THG1L: variants seen among roughly 807,000 people sequenced by gnomAD.
THG1L encodes the protein probable tRNA(His) guanylyltransferase.
In THG1L, 27 loss-of-function variants were observed where a neutral mutation model predicts 35.2. That is an observed-to-expected ratio of 0.77 (90% CI 0.57 to 1.06). The LOEUF (loss-of-function observed/expected upper bound fraction) is 1.06. THG1L is among the 50% of genes least tolerant of loss of function. The pLI is 0.00. For synonymous variants in THG1L, 135 were observed against 132.4 expected (o/e 1.02, Z -0.14); for missense variants, 377 against 371.8 (o/e 1.01, Z -0.12).
rs1469680647 is a variant in THG1L, at chr5:157,731,571, A to G, written c.131A>G (p.Asp44Gly). 1 of 1,611,790 alleles carries G rather than the reference A, an allele frequency of 6.2e-7. No homozygotes were observed. Among genetic ancestry groups the G allele is most frequent in the Non-Finnish European group, 8.5e-7 (1 of 1,178,920 alleles). The change falls in exon 1 of 6, where the codon GAC becomes GGC. Residue 44 changes from aspartate (D) to glycine (G), a missense_variant. Transcript: ENST00000231198. ...GAGTACGTGAGGGACTTCGAGGCTG[A>G]CGACACCTGCCTGGCACACTGCTGG... ...KFEYVRDFEADDTCLAHCWVV... is the reference protein window; with the variant it reads ...KFEYVRDFEAGDTCLAHCWVV...
chr5:157,735,665 T>A (rs139531252), intron 3 of THG1L, among the ~76,000 whole-genome samples, 181 bp from the exon 4 acceptor site: 1 of 152,298 alleles, frequency 6.6e-6, no homozygotes, highest in East Asian at 1.9e-4. Flanking sequence ...GGGATGAAGT[T>A]TTTTCCCTAC....
At chr5:157,737,442 C>G (rs1760915554) in intron 4 of THG1L, among the ~76,000 whole-genome samples, 1 of 151,778 alleles carries the variant, frequency 6.6e-6, no homozygotes, top group South Asian at 2.1e-4. Flanking sequence ...GAGATTGCAC[C>G]ACTGCACTCC....
rs1320182205 is a variant in THG1L at position 157,740,107 on chromosome 5, G to A, written c.*625G>A. On this transcript the variant is annotated 3_prime_UTR_variant, in exon 6 of 6. Coordinates refer to ENST00000231198, the MANE Select transcript of THG1L (RefSeq NM_017872.5). ...TACACATTCTGTGGATTGATTTAAT[G>A]GAGTTGTCAGCATGATCATCATCTT... 6.6e-6 allele frequency: 1 copy of A among 152,204 alleles called. No individual in the cohort carries two copies. Among genetic ancestry groups the A allele is most frequent in the Non-Finnish European group, 1.5e-5 (1 of 68,048 alleles). The allele number at this position is 152,204 out of a possible 1,614,324, so 9.4% of individuals were successfully genotyped here.
intron 5 of THG1L, chr5:157,738,589 GT>G (rs752004508): frequency 4.0e-3 from 1,481 of 371,154 alleles, no homozygotes; most frequent in Admixed American, 5.6e-3. Context: ...AAGTTTTTTT[GT>G]TTTTTTTTTT....
intron 2 of THG1L, 72 bp downstream of exon 2, chr5:157,733,116 G>A (rs1474600876): frequency 7.1e-6 from 11 of 1,555,840 alleles, no homozygotes; most frequent in Non-Finnish European, 9.7e-6. Context: ...TATCTTAATC[G>A]CAGACTTACA....
rs1475759642 is a variant in THG1L, at chr5:157,735,710, C to T, written c.539-136C>T. 4.3e-5 allele frequency: 26 copies of T among 602,006 alleles called. No homozygotes were observed. In the Admixed American group the frequency reaches 4.7e-4, roughly 11 times the overall value. The allele number at this position is 602,006 out of a possible 1,614,324, so 37.3% of individuals were successfully genotyped here. A position where few individuals can be genotyped will look rare whatever the true frequency, so the allele number is the denominator to read the frequency against. ...CCTCCATGTTCCGTGTGTAGGACTT[C>T]GGTCAAGTCACTGAATGTCTCTGAG... On this transcript the variant is annotated intron_variant, in intron 3 of 5. Transcript: ENST00000231198.
intron 2 of THG1L, among the ~76,000 whole-genome samples, chr5:157,733,844 T>C (rs2113033946): frequency 6.6e-6 from 1 of 152,224 alleles, no homozygotes; most frequent in African/African-American, 2.4e-5. Flanking sequence ...CAGTGGCATG[T>C]GCCTATAGTC....
chr5:157,732,927 CCA>C lies in THG1L; in HGVS notation c.252_253del (p.Lys85MetfsTer20). ...GACAGCCGTGCTCTCCAGCTGATGA[CCA>C]AATGTGCGCAGACTGTGATGGAAGA... On this transcript the variant is annotated frameshift_variant, in exon 2 of 6. Coordinates refer to ENST00000231198, the MANE Select transcript of THG1L (RefSeq NM_017872.5). LOFTEE classifies it high-confidence loss of function. 7 of 1,614,178 alleles carry C rather than the reference CCA, an allele frequency of 4.3e-6. No homozygotes were observed. The highest frequency in any genetic ancestry group is 5.9e-6 in the Non-Finnish European group (7 of 1,180,036).
Position 157,734,744 on chromosome 5 carries a change from TTG to T in THG1L, c.538+2_538+3del, listed in dbSNP as rs1162846554. 6.2e-7 allele frequency: 1 copy of T among 1,614,008 alleles called. No individual in the cohort carries two copies. The highest frequency in any genetic ancestry group is 8.5e-7 in the Non-Finnish European group (1 of 1,180,030). Reference sequence around the variant, plus strand: ...ACTACCTCAGCTGGCGACAAGCAGATTGTGAGTGGCACCAAATAAACACATGT... The same window carrying T: ...ACTACCTCAGCTGGCGACAAGCAGATTGAGTGGCACCAAATAAACACATGT... On this transcript the variant is annotated splice_donor_variant and coding_sequence_variant, in exon 3 of 6. Transcript: ENST00000231198. LOFTEE classifies it high-confidence loss of function.
Position 157,740,464 on chromosome 5 carries a change from A to AGCACAGAGCAGCAGGGAG in THG1L, c.*982_*983insGCACAGAGCAGCAGGGAG. 6.6e-6 allele frequency: 1 copy of AGCACAGAGCAGCAGGGAG among 152,234 alleles called. No homozygotes were observed. The highest frequency in any genetic ancestry group is 1.5e-5 in the Non-Finnish European group (1 of 68,056). 9.4% of individuals were successfully genotyped at this position (152,234 alleles called of 1,614,324 possible). Reference sequence around the variant, plus strand: ...TTGGGTCAGTGGAGATGGGTGAGGAACAGCACAGAGCAGCAGGGATCATCA... The same window carrying AGCACAGAGCAGCAGGGAG: ...TTGGGTCAGTGGAGATGGGTGAGGAAGCACAGAGCAGCAGGGAGCAGCACAGAGCAGCAGGGATCATCA... On this transcript the variant is annotated 3_prime_UTR_variant, in exon 6 of 6. Coordinates refer to ENST00000231198, the MANE Select transcript of THG1L (RefSeq NM_017872.5).
intron 5 of THG1L, among the ~76,000 whole-genome samples, chr5:157,738,416 T>C (rs1418160281): frequency 6.6e-6 from 1 of 152,228 alleles, no homozygotes; most frequent in African/African-American, 2.4e-5. Context: ...TATGAGGGTT[T>C]GTTATTTTCG....
At chr5:157,732,806 A>G (rs778181837) in intron 1 of THG1L, 62 bp from the exon 2 acceptor site, 3 of 1,594,074 alleles carry the variant, frequency 1.9e-6, no homozygotes, top group Non-Finnish European at 2.6e-6. Context: ...TTATCTAGCA[A>G]CAGAGCGTGT....
chr5:157,735,101 C>G (rs1760836837), intron 3 of THG1L, among the ~76,000 whole-genome samples: 1 of 152,130 alleles, frequency 6.6e-6, no homozygotes, highest in Non-Finnish European at 1.5e-5. Context: ...CCACGCCCGG[C>G]TGATTCTGTA....
chr5:157,736,574 C>G (rs1462357652), intron 4 of THG1L, among the ~76,000 whole-genome samples: 1 of 152,150 alleles, frequency 6.6e-6, no homozygotes, highest in African/African-American at 2.4e-5. Context: ...GAATTTTTGT[C>G]AGTCCCACCA....
At chr5:157,738,628 G>T (rs2113049260) in intron 5 of THG1L, 1 of 431,142 alleles carries the variant, frequency 2.3e-6, no homozygotes, top group Admixed American at 2.7e-5. Flanking sequence ...CAAGTACCAA[G>T]GAGTACCTTG....
chr5:157,736,744 C>T (rs1281606809), intron 4 of THG1L, among the ~76,000 whole-genome samples: 2 of 150,658 alleles, frequency 1.3e-5, no homozygotes, highest in Non-Finnish European at 3.0e-5. Context: ...CTTTCTGCCT[C>T]AGTTCTTTAT....
chr5:157,738,824 CT>C (rs33954159), intron 5 of THG1L: 7,031 of 162,924 alleles, frequency 0.043, 5 homozygotes, highest in South Asian at 0.11. Context: ...ATAGTATAAC[CT>C]TTTTTTTTTT....
Position 157,731,638 on chromosome 5 carries a change from G to T in THG1L, c.191+7G>T. 1 of 1,588,316 alleles carries T rather than the reference G, an allele frequency of 6.3e-7. No homozygotes were observed. Among genetic ancestry groups the T allele is most frequent in the South Asian group, 1.1e-5 (1 of 88,198 alleles). On this transcript the variant is annotated splice_region_variant and intron_variant, in intron 1 of 5. Coordinates refer to ENST00000231198, the MANE Select transcript of THG1L (RefSeq NM_017872.5). ...ACGGCCGGAATTTCCATCGGTGAGCGAGCTCGACTCGGGGCGTCGCGATGC... is the reference window on the plus strand; with the variant it reads ...ACGGCCGGAATTTCCATCGGTGAGCTAGCTCGACTCGGGGCGTCGCGATGC...
At position 157,738,993 on chromosome 5, in the gene THG1L, C is replaced by T. The variant is rs928930970; in HGVS notation, c.736-328C>T. Among the ~76,000 whole-genome samples the T allele has an allele frequency of 5.3e-5, 8 of 151,954 alleles. No homozygotes were observed. The East Asian group carries it at 7.7e-4, about 15-fold the overall frequency. On this transcript the variant is annotated intron_variant, in intron 5 of 5. Transcript: ENST00000231198. The stretch of plus-strand genomic sequence containing the variant: ...TTCACCATGTTGGCCAGGCTGGTCT[C>T]GAACTCCTGACCTCAAGTGATCTGC...
Sources: allele counts gnomAD v4.1 joint callset (sites outside exome capture counted in the v4.1 genomes callset), GRCh38; gene constraint gnomAD v4.1.1; transcripts MANE v1.5; gene names NCBI Gene and HGNC (gene_info 2026-07-23, HGNC 2026-07-21).